Variants in POU6F2 observed in about 807,000 individuals in gnomAD.
POU6F2 encodes POU class 6 homeobox 2.
In POU6F2, 31 loss-of-function variants were observed where a neutral mutation model predicts 71.3. That is an observed-to-expected ratio of 0.43 (90% confidence interval 0.33 to 0.59). The LOEUF (loss-of-function observed/expected upper bound fraction) is 0.59, where lower values mean the gene tolerates loss of function less well. POU6F2 is among the 20% of genes least tolerant of loss of function. The probability of loss-of-function intolerance (pLI) is 0.04; values close to 1 mark genes in which losing one functional copy is unlikely to be tolerated. For missense variants in POU6F2, 783 were observed against 856.8 expected (o/e 0.91, Z 1.07); for synonymous variants, 347 against 355.7 (o/e 0.98, Z 0.27).
chr7:39,045,512 G>A (rs1207559208), intron 1 of POU6F2, among the ~76,000 whole-genome samples: 2 of 150,174 alleles, frequency 1.3e-5, no homozygotes, highest in African/African-American at 4.9e-5. Context: ...AGTATTATTT[G>A]TATTCTCACA....
At chr7:39,271,494 GAAAAA>G (rs36038013) in intron 4 of POU6F2, among the ~76,000 whole-genome samples, 3 of 136,746 alleles carry the variant, frequency 2.2e-5, no homozygotes, top group Non-Finnish European at 4.7e-5. Context: ...CTCAATCAGT[GAAAAA>G]AAAAAAAAAA....
intron 1 of POU6F2, chr7:39,006,931 G>A: frequency 2.7e-6 from 4 of 1,483,632 alleles, no homozygotes; most frequent in Non-Finnish European, 3.8e-6. Flanking sequence ...TAATCTGTGA[G>A]TTTATTGTAT....
chr7:39,417,581 T>C (rs1243947325), intron 6 of POU6F2, among the ~76,000 whole-genome samples: 2 of 152,216 alleles, frequency 1.3e-5, no homozygotes, highest in African/African-American at 4.8e-5. Flanking sequence ...CAAGATGTGA[T>C]GCAGCTTTAT....
intron 2 of POU6F2, among the ~76,000 whole-genome samples, chr7:39,135,630 A>G (rs919168452): frequency 5.9e-5 from 9 of 152,134 alleles, no homozygotes; most frequent in African/African-American, 1.9e-4. Context: ...CTCTTGGAAC[A>G]CTAACAGGAG....
intron 2 of POU6F2, among the ~76,000 whole-genome samples, chr7:39,101,621 T>C (rs12216590): frequency 0.22 from 33,416 of 151,828 alleles, 3,838 homozygotes; most frequent in South Asian, 0.36. Flanking sequence ...AAGTTTCAGT[T>C]AGGAGGAATA....
intron 4 of POU6F2, among the ~76,000 whole-genome samples, chr7:39,288,594 G>A (rs373875044): frequency 9.9e-5 from 15 of 152,236 alleles, no homozygotes; most frequent in African/African-American, 2.9e-4. Context: ...TAAGCAGATC[G>A]TGAATCATCT....
At chr7:39,005,516 T>TGTGTG (rs1789037629) in intron 1 of POU6F2, among the ~76,000 whole-genome samples, 1 of 28,300 alleles carries the variant, frequency 3.5e-5, no homozygotes, top group Non-Finnish European at 1.0e-4. Context: ...GTGTGTGTGT[T>TGTGTG]TATGTTGTGT....
intron 1 of POU6F2, among the ~76,000 whole-genome samples, chr7:39,071,131 A>G (rs529453725): frequency 2.0e-5 from 3 of 152,296 alleles, no homozygotes; most frequent in South Asian, 4.1e-4. Context: ...ACCATAATAT[A>G]GAATCAGTGG....
At chr7:39,296,153 A>G (rs1197955916) in intron 4 of POU6F2, among the ~76,000 whole-genome samples, 1 of 152,210 alleles carries the variant, frequency 6.6e-6, no homozygotes, top group African/African-American at 2.4e-5. Flanking sequence ...CTTCCTACAT[A>G]GATTCCTGCT....
intron 4 of POU6F2, among the ~76,000 whole-genome samples, chr7:39,261,091 A>ACC (rs1491033603): frequency 5.4e-5 from 7 of 129,680 alleles, no homozygotes; most frequent in Admixed American, 2.3e-4. Context: ...ACACACACAC[A>ACC]CCCCACGCCA....
chr7:39,104,329 G>C lies in POU6F2; in HGVS notation c.277+18298G>C, dbSNP rs80093510. 8.9e-4 allele frequency among the ~76,000 whole-genome samples: 136 copies of C among 152,366 alleles called. No individual in the cohort carries two copies. The Middle Eastern group carries it at 0.01, about 11-fold the overall frequency. ...AATTTTGGCAAGCCTGGTAGAGATA[G>C]TGCATTTCTGTCTGACTTAGTGTTA... is the stretch of plus-strand genomic sequence containing the variant. On this transcript the variant is annotated intron_variant, in intron 2 of 9. Coordinates refer to ENST00000518318, the MANE Select transcript of POU6F2 (RefSeq NM_001370959.1).
Position 39,406,747 on chromosome 7 carries a change from G to C in POU6F2, c.1113+7G>C, listed in dbSNP as rs367647263. ...TACTAATGCACAAGGACAGGTGAGTGGGAGATGGGAACAAGAGTGCATTTT... is the reference window on the plus strand; with the variant it reads ...TACTAATGCACAAGGACAGGTGAGTCGGAGATGGGAACAAGAGTGCATTTT... On this transcript the variant is annotated splice_region_variant and intron_variant, in intron 6 of 9. Coordinates refer to ENST00000518318, the MANE Select transcript of POU6F2 (RefSeq NM_001370959.1). The C allele has an allele frequency of 3.1e-5, 50 of 1,613,024 alleles. No homozygotes were observed. In the East Asian group the frequency reaches 1.0e-3, roughly 34 times the overall value.
intron 2 of POU6F2, among the ~76,000 whole-genome samples, chr7:39,176,238 A>G (rs1157768188): frequency 6.6e-6 from 1 of 152,174 alleles, no homozygotes; most frequent in Non-Finnish European, 1.5e-5. Context: ...TTCAAGATTC[A>G]GGTGATGGTG....
intron 2 of POU6F2, among the ~76,000 whole-genome samples, chr7:39,118,075 G>A (rs77450217): frequency 0.02 from 3,051 of 152,056 alleles, 166 homozygotes; most frequent in East Asian, 0.19. Context: ...TTATAATACC[G>A]CCTTTCCCAT....
intron 2 of POU6F2, among the ~76,000 whole-genome samples, chr7:39,136,064 C>T (rs1792382738): frequency 6.6e-6 from 1 of 152,072 alleles, no homozygotes; most frequent in African/African-American, 2.4e-5. Context: ...AAGAAAACCA[C>T]AAAATTTTAT....
chr7:39,196,761 G>GA (rs895522103), intron 2 of POU6F2, among the ~76,000 whole-genome samples: 64 of 141,296 alleles, frequency 4.5e-4, no homozygotes, highest in Middle Eastern at 3.6e-3. Context: ...TCCATCTCAA[G>GA]AAAAAAAAAA....
intron 4 of POU6F2, among the ~76,000 whole-genome samples, chr7:39,324,960 C>G (rs915589146): frequency 6.6e-6 from 1 of 152,086 alleles, no homozygotes; most frequent in Non-Finnish European, 1.5e-5. Context: ...CACATCAATA[C>G]AAAATAACCA....
intron 7 of POU6F2, among the ~76,000 whole-genome samples, chr7:39,447,117 TG>T (rs1017244363): frequency 1.3e-5 from 2 of 152,232 alleles, no homozygotes; most frequent in African/African-American, 4.8e-5. Context: ...ACATTATTTT[TG>T]GATAATCTTC....
intron 1 of POU6F2, chr7:39,013,135 C>T (rs1219555608): frequency 5.2e-5 from 8 of 154,252 alleles, no homozygotes; most frequent in Middle Eastern, 3.1e-3. Flanking sequence ...GCCTCGCTGC[C>T]GCCTTGCAGT....
Sources: allele counts gnomAD v4.1 joint callset (sites outside exome capture counted in the v4.1 genomes callset), GRCh38; gene constraint gnomAD v4.1.1; transcripts MANE v1.5; gene names NCBI Gene and HGNC (gene_info 2026-07-23, HGNC 2026-07-21).